The following GINS4 variants were observed in gnomAD, a reference collection of about 807,000 sequenced individuals.
GINS4 encodes the protein DNA replication complex GINS protein SLD5.
In GINS4, 20 loss-of-function variants were observed where a neutral mutation model predicts 31.1. The observed-to-expected ratio is 0.64, with a 90% CI of 0.45 to 0.93. The LOEUF is 0.93. GINS4 is among the 40% of genes least tolerant of loss of function. The probability of loss-of-function intolerance (pLI) is 0.00; values close to 1 mark genes in which losing one functional copy is unlikely to be tolerated. For synonymous variants in GINS4, 85 were observed against 97.9 expected, an observed-to-expected ratio of 0.87 and a Z score of 0.78; for missense variants, 245 against 273.9, an observed-to-expected ratio of 0.89 and a Z score of 0.75.
rs1806852840 is a variant in GINS4 at position 41,542,123 on chromosome 8, C to T, written c.*36C>T. On this transcript the variant is annotated 3_prime_UTR_variant, in exon 8 of 8. Coordinates refer to ENST00000276533, the MANE Select transcript of GINS4 (RefSeq NM_032336.3). ...AAACAGCCAGGCATGGTGACTCAAG[C>T]CTGTAATCCCAGCACTTTGGGAGGC... 1 of 1,526,234 alleles carries T rather than the reference C, an allele frequency of 6.6e-7. No homozygotes were observed. The highest frequency in any genetic ancestry group is 1.4e-5 in the African/African-American group (1 of 72,998). 94.5% of individuals were successfully genotyped at this position (1,526,234 alleles called of 1,614,324 possible). A position where few individuals can be genotyped will look rare whatever the true frequency, so the allele number is the denominator to read the frequency against.
At chr8:41,530,343 A>G in intron 2 of GINS4, 45 bp downstream of exon 2, 1 of 1,377,860 alleles carries the variant, frequency 7.3e-7, no homozygotes, top group Non-Finnish European at 1.0e-6. Flanking sequence ...CAGCCTTTTT[A>G]TTTAGTTCAA....
chr8:41,538,542 G>T (rs1361966326), intron 4 of GINS4, among the ~76,000 whole-genome samples: 1 of 151,992 alleles, frequency 6.6e-6, no homozygotes, highest in African/African-American at 2.4e-5. Flanking sequence ...GTATGGCTTA[G>T]GTTTTGGCTC....
rs1806906899 is a variant in GINS4, at chr8:41,544,944, TA to T, written c.*2860del. On this transcript the variant is annotated 3_prime_UTR_variant, in exon 8 of 8. Transcript: ENST00000276533. ...CACTTTACATCCTCTAAAACCACAG[TA>T]AATTGCTCCATTTCCTAAATTACCT... 6.6e-6 allele frequency: 1 copy of T among 152,138 alleles called. No homozygotes were observed. Among genetic ancestry groups the T allele is most frequent in the African/African-American group, 2.4e-5 (1 of 41,426 alleles). The allele number at this position is 152,138 out of a possible 1,614,324, so 9.4% of individuals were successfully genotyped here. A position where few individuals can be genotyped will look rare whatever the true frequency, so the allele number is the denominator to read the frequency against.
rs755900572 is a variant in GINS4, at chr8:41,539,877, G to T, written c.396-39G>T. On this transcript the variant is annotated intron_variant, in intron 5 of 7. Coordinates refer to ENST00000276533, the MANE Select transcript of GINS4 (RefSeq NM_032336.3). ...GCCTGCTAACCTTGGACGTCCATCA[G>T]CTGTGTACACCACAGCGATTTGAAT... 3.8e-6 allele frequency: 6 copies of T among 1,599,392 alleles called. No individual in the cohort carries two copies. In the East Asian group the frequency reaches 1.3e-4, roughly 36 times the overall value.
intron 2 of GINS4, 90 bp downstream of exon 2, chr8:41,530,388 GA>G: frequency 2.2e-6 from 2 of 904,740 alleles, no homozygotes; most frequent in Non-Finnish European, 3.5e-6. Flanking sequence ...TGAGGAAACG[GA>G]ATTTGGGGCT....
At position 41,544,674 on chromosome 8, in the gene GINS4, G is replaced by A. The variant is rs1806902395; in HGVS notation, c.*2587G>A. 1.3e-5 allele frequency: 2 copies of A among 151,938 alleles called. No individual in the cohort carries two copies. The highest frequency in any genetic ancestry group is 4.8e-5 in the African/African-American group (2 of 41,336). 9.4% of individuals were successfully genotyped at this position (151,938 alleles called of 1,614,324 possible). On this transcript the variant is annotated 3_prime_UTR_variant, in exon 8 of 8. Coordinates refer to ENST00000276533, the MANE Select transcript of GINS4 (RefSeq NM_032336.3). The stretch of plus-strand genomic sequence containing the variant: ...AAAAGCATTTAATTCCCATTCAATT[G>A]AAAATGTTTCAAGAACAAACCTGTT...
In GINS4 at chr8:41,543,540, A is replaced by G. The variant is rs528912817; in HGVS notation, c.*1453A>G. On this transcript the variant is annotated 3_prime_UTR_variant, in exon 8 of 8. Transcript: ENST00000276533. ...GGAAGGATGTATAGGCAGTGAATGA[A>G]TGATCTTTCCTTGAAATGCTATAAA... 6.6e-6 allele frequency: 1 copy of G among 152,314 alleles called. No homozygotes were observed. The highest frequency in any genetic ancestry group is 2.4e-5 in the African/African-American group (1 of 41,568). The allele number at this position is 152,314 out of a possible 1,614,324, so 9.4% of individuals were successfully genotyped here.
At chr8:41,530,742 A>C (rs1369678782) in intron 2 of GINS4, among the ~76,000 whole-genome samples, 1 of 152,100 alleles carries the variant, frequency 6.6e-6, no homozygotes, top group Admixed American at 6.6e-5. Context: ...TGCTCTCCAT[A>C]TGTCCACTGC....
At chr8:41,530,964 G>C (rs1349799013) in intron 2 of GINS4, among the ~76,000 whole-genome samples, 1 of 152,194 alleles carries the variant, frequency 6.6e-6, no homozygotes, top group Non-Finnish European at 1.5e-5. Flanking sequence ...TCAAGCCGTT[G>C]CTTGCCTATA....
At chr8:41,535,101 G>A (rs1219690359) in intron 2 of GINS4, among the ~76,000 whole-genome samples, 1 of 151,376 alleles carries the variant, frequency 6.6e-6, no homozygotes, top group African/African-American at 2.4e-5. Context: ...ACTTTGAGAG[G>A]CCAAGGCAGG....
At chr8:41,537,074 A>T (rs1806751520) in intron 3 of GINS4, 106 bp from the exon 4 acceptor site, 1 of 664,914 alleles carries the variant, frequency 1.5e-6, no homozygotes, top group Non-Finnish European at 2.7e-6. Context: ...AACTCACATG[A>T]TATTTTTGTT....
In GINS4 at chr8:41,539,319, C is replaced by CAAAAAA. The variant is rs36097557; in HGVS notation, c.298-340_298-335dup. Among the ~76,000 whole-genome samples, 11 of 55,734 alleles carry CAAAAAA rather than the reference C, an allele frequency of 2.0e-4. 1 individual carries two copies. The highest frequency in any genetic ancestry group is 6.7e-4 in the East Asian group (1 of 1,500). The allele number at this position is 55,734 out of a possible 152,430, so 36.6% of individuals were successfully genotyped here. A position where few individuals can be genotyped will look rare whatever the true frequency, so the allele number is the denominator to read the frequency against. On this transcript the variant is annotated intron_variant, in intron 4 of 7. Transcript: ENST00000276533. The stretch of plus-strand genomic sequence containing the variant: ...TGGACAACACAATGAGACTCCATCT[C>CAAAAAA]AAAAAAAAAAAAAAAAAAAAAAAAC...
chr8:41,540,361 G>A (rs979710041), intron 6 of GINS4: 1 of 292,052 alleles, frequency 3.4e-6, no homozygotes, highest in Non-Finnish European at 6.6e-6. Context: ...CCCCTGCTTA[G>A]AGGGGCTGGC....
intron 2 of GINS4, among the ~76,000 whole-genome samples, chr8:41,532,636 A>G (rs1806665976): frequency 6.6e-6 from 1 of 152,086 alleles, no homozygotes; most frequent in South Asian, 2.1e-4. Context: ...GGAGTTCAAG[A>G]CCATCCTGGC....
rs902996486 is a variant in GINS4 at position 41,536,309 on chromosome 8, G to C, written c.97-51G>C. ...TGGACTTGGGCTGACTCACTGGGTT[G>C]TTTAGCTCTGTGGTGGGTGATGCTT... On this transcript the variant is annotated intron_variant, in intron 2 of 7. Coordinates refer to ENST00000276533, the MANE Select transcript of GINS4 (RefSeq NM_032336.3). 1.2e-5 allele frequency: 14 copies of C among 1,124,230 alleles called. No individual in the cohort carries two copies. The Admixed American group carries it at 1.5e-4, about 12-fold the overall frequency. 69.6% of individuals were successfully genotyped at this position (1,124,230 alleles called of 1,614,324 possible).
In GINS4 at chr8:41,539,659, T is replaced by C; in HGVS notation, c.298-19T>C. On this transcript the variant is annotated intron_variant, in intron 4 of 7. Coordinates refer to ENST00000276533, the MANE Select transcript of GINS4 (RefSeq NM_032336.3). ...ACTTTTGCCAATGTTTTCATGAAGA[T>C]TTTGCTTTATCCTCACAGATAGAGA... 6.5e-6 allele frequency: 10 copies of C among 1,548,982 alleles called. No individual in the cohort carries two copies. Among genetic ancestry groups the C allele is most frequent in the Non-Finnish European group, 8.9e-6 (10 of 1,122,402 alleles).
At chr8:41,541,954 C>T (rs185706457) in intron 7 of GINS4, 37 bp from the exon 8 acceptor site, 85 of 1,608,490 alleles carry the variant, frequency 5.3e-5, no homozygotes, top group South Asian at 4.0e-4. Context: ...GAGGGCCAGC[C>T]GAGCTCTGCA....
chr8:41,535,365 T>C (rs1441594540), intron 2 of GINS4, among the ~76,000 whole-genome samples: 1 of 152,082 alleles, frequency 6.6e-6, no homozygotes, highest in African/African-American at 2.4e-5. Context: ...ATTCAATATT[T>C]AATAAAAATC....
chr8:41,532,359 G>GGAAGAACT (rs1397852159), intron 2 of GINS4, among the ~76,000 whole-genome samples: 1 of 151,012 alleles, frequency 6.6e-6, no homozygotes, highest in African/African-American at 2.4e-5. Context: ...CTATCAGATT[G>GGAAGAACT]GAAGAACTGA....
Sources: allele counts gnomAD v4.1 joint callset (sites outside exome capture counted in the v4.1 genomes callset), GRCh38; gene constraint gnomAD v4.1.1; transcripts MANE v1.5; gene names NCBI Gene and HGNC (gene_info 2026-07-23, HGNC 2026-07-21).